LRRC4C: variants seen among roughly 807,000 people sequenced by gnomAD.
LRRC4C encodes the protein leucine-rich repeat-containing protein 4C.
A neutral mutation model predicts 33.6 loss-of-function variants in LRRC4C; 5 were observed. The observed-to-expected ratio is 0.15, with a 90% CI of 0.08 to 0.31. LRRC4C has a LOEUF of 0.31. Ranked by LOEUF, LRRC4C falls within the 10% of genes least tolerant of loss-of-function variation. The pLI is 1.00. For missense variants in LRRC4C, 560 were observed against 796.7 expected, an observed-to-expected ratio of 0.70 and a Z score of 3.58; for synonymous variants, 329 against 302.0, an observed-to-expected ratio of 1.09 and a Z score of -0.93.
intron 3 of LRRC4C, among the ~76,000 whole-genome samples, chr11:40,637,611 A>G (rs1474644464): frequency 6.6e-6 from 1 of 152,202 alleles, no homozygotes; most frequent in East Asian, 1.9e-4. Flanking sequence ...CATTTATCAG[A>G]CCAAACATGT....
intron 3 of LRRC4C, among the ~76,000 whole-genome samples, chr11:40,645,699 C>T (rs949344864): frequency 1.1e-4 from 16 of 152,256 alleles, no homozygotes; most frequent in Admixed American, 9.2e-4. Flanking sequence ...CTGTGGATTC[C>T]TTTCTAGTTT....
intron 2 of LRRC4C, among the ~76,000 whole-genome samples, chr11:40,741,145 G>T (rs756883213): frequency 6.6e-6 from 1 of 151,882 alleles, no homozygotes; most frequent in Non-Finnish European, 1.5e-5. Flanking sequence ...GCCCTAATAG[G>T]TTCTTCATAC....
intron 3 of LRRC4C, among the ~76,000 whole-genome samples, chr11:40,502,194 G>A (rs1954810822): frequency 2.0e-5 from 3 of 152,128 alleles, no homozygotes; most frequent in Admixed American, 2.0e-4. Context: ...TTTGGTCAAA[G>A]CCATTCAACA....
At chr11:40,375,548 G>A (rs768966204) in intron 3 of LRRC4C, among the ~76,000 whole-genome samples, 2 of 152,074 alleles carry the variant, frequency 1.3e-5, no homozygotes, top group Non-Finnish European at 2.9e-5. Flanking sequence ...ACATTTTGTG[G>A]CATACCACCA....
chr11:40,124,010 T>C (rs1347880905), intron 6 of LRRC4C, among the ~76,000 whole-genome samples: 1 of 152,074 alleles, frequency 6.6e-6, no homozygotes. Flanking sequence ...CTTTAATAAA[T>C]GGTGCTGAGA....
Position 41,068,359 on chromosome 11 carries a change from C to A in LRRC4C, c.-495-134636G>T, listed in dbSNP as rs539577701. Among the ~76,000 whole-genome samples, 9 of 152,084 alleles carry A rather than the reference C, an allele frequency of 5.9e-5. No homozygotes were observed. In the South Asian group the frequency reaches 1.5e-3, roughly 25 times the overall value. On this transcript the variant is annotated intron_variant, in intron 1 of 6. Coordinates refer to ENST00000528697, the MANE Select transcript of LRRC4C (RefSeq NM_001258419.2). ...GGTGAGCTGAGCGTGCCACCGCACT[C>A]TAGCTTGGGCAACAGAGTGGGACTC...
chr11:40,125,646 C>A (rs1387091834), intron 6 of LRRC4C, among the ~76,000 whole-genome samples: 2 of 151,988 alleles, frequency 1.3e-5, no homozygotes, highest in Admixed American at 6.6e-5. Context: ...AAATATGAGA[C>A]CTTTCAAAGG....
At chr11:41,193,791 C>T (rs773863738) in intron 1 of LRRC4C, among the ~76,000 whole-genome samples, 1 of 151,346 alleles carries the variant, frequency 6.6e-6, no homozygotes, top group African/African-American at 2.4e-5. Flanking sequence ...TCTGATTATT[C>T]AAGACTGATT....
intron 1 of LRRC4C, among the ~76,000 whole-genome samples, chr11:41,297,644 G>A (rs572704022): frequency 4.6e-5 from 7 of 151,964 alleles, no homozygotes; most frequent in Admixed American, 3.3e-4. Context: ...TTCTACTAAC[G>A]ATAAATGGAA....
At chr11:41,331,096 T>C (rs2137371281) in intron 1 of LRRC4C, among the ~76,000 whole-genome samples, 1 of 152,234 alleles carries the variant, frequency 6.6e-6, no homozygotes, top group South Asian at 2.1e-4. Context: ...CCAACATAGT[T>C]CTACTGAAAA....
chr11:40,810,240 T>G (rs945405978), intron 2 of LRRC4C, among the ~76,000 whole-genome samples: 3 of 152,190 alleles, frequency 2.0e-5, no homozygotes, highest in Admixed American at 2.0e-4. Flanking sequence ...TTGAGACACA[T>G]GAATACTTGC....
At chr11:40,893,449 T>C (rs1175725246) in intron 2 of LRRC4C, among the ~76,000 whole-genome samples, 2 of 152,196 alleles carry the variant, frequency 1.3e-5, no homozygotes, top group South Asian at 2.1e-4. Flanking sequence ...CTTGATGTTA[T>C]TGTTACACAT....
At chr11:40,199,713 T>C (rs1448997654) in intron 5 of LRRC4C, among the ~76,000 whole-genome samples, 1 of 152,132 alleles carries the variant, frequency 6.6e-6, no homozygotes, top group African/African-American at 2.4e-5. Flanking sequence ...TATATCTGAT[T>C]ATATATTTTT....
At chr11:41,419,834 A>C (rs1954814338) in intron 1 of LRRC4C, among the ~76,000 whole-genome samples, 1 of 152,016 alleles carries the variant, frequency 6.6e-6, no homozygotes, top group Admixed American at 6.6e-5. Flanking sequence ...AACTCAAGCC[A>C]TCTGATACTC....
At chr11:41,388,840 A>G (rs1953466806) in intron 1 of LRRC4C, among the ~76,000 whole-genome samples, 1 of 151,886 alleles carries the variant, frequency 6.6e-6, no homozygotes, top group South Asian at 2.1e-4. Flanking sequence ...ACCAATAGGT[A>G]TATCATAGTT....
chr11:41,139,018 T>C (rs1377184016), intron 1 of LRRC4C, among the ~76,000 whole-genome samples: 6 of 152,202 alleles, frequency 3.9e-5, no homozygotes, highest in African/African-American at 1.4e-4. Context: ...TGGGACTAAT[T>C]TGTTTGTTAG....
intron 2 of LRRC4C, among the ~76,000 whole-genome samples, chr11:40,906,206 G>A (rs770132017): frequency 9.2e-5 from 14 of 152,092 alleles, no homozygotes; most frequent in African/African-American, 2.7e-4. Context: ...CAATGCCATC[G>A]CACACTTAAA....
intron 4 of LRRC4C, among the ~76,000 whole-genome samples, chr11:40,260,766 C>A (rs1004695633): frequency 3.8e-4 from 58 of 152,130 alleles, no homozygotes; most frequent in Admixed American, 3.5e-3. Context: ...TGTTTTATTT[C>A]TTTTCGTGAT....
chr11:40,883,383 T>C (rs1028096077), intron 2 of LRRC4C, among the ~76,000 whole-genome samples: 3 of 151,752 alleles, frequency 2.0e-5, no homozygotes, highest in African/African-American at 7.3e-5. Flanking sequence ...GTCAGAGTCA[T>C]ACTGAGAAAA....
Sources: allele counts gnomAD v4.1 joint callset (sites outside exome capture counted in the v4.1 genomes callset), GRCh38; gene constraint gnomAD v4.1.1; transcripts MANE v1.5; gene names NCBI Gene and HGNC (gene_info 2026-07-23, HGNC 2026-07-21).